The following GRAMD2B variants were observed in gnomAD, a reference collection of about 807,000 sequenced individuals.
GRAMD2B encodes GRAM domain-containing protein 2B.
In GRAMD2B, 41 loss-of-function variants were observed where a neutral mutation model predicts 59.2. The observed-to-expected ratio is 0.69, with a 90% confidence interval of 0.54 to 0.90. The LOEUF (loss-of-function observed/expected upper bound fraction) is 0.90, where lower values mean the gene tolerates loss of function less well. GRAMD2B is among the 40% of genes least tolerant of loss of function. The pLI, the probability that GRAMD2B is intolerant of heterozygous loss-of-function variation, is 0.00. For synonymous variants in GRAMD2B, 161 were observed against 182.7 expected (o/e 0.88, Z 0.96); for missense variants, 424 against 500.5 (o/e 0.85, Z 1.46).
intron 1 of GRAMD2B, among the ~76,000 whole-genome samples, chr5:126,446,234 T>A (rs1047934711): frequency 6.6e-6 from 1 of 152,224 alleles, no homozygotes; most frequent in Admixed American, 6.5e-5. Flanking sequence ...ACTGCAATAG[T>A]TACAGATGAA....
At chr5:126,420,922 A>T (rs1279732050), upstream of GRAMD2B, among the ~76,000 whole-genome samples, 1 of 152,234 alleles carries the variant, frequency 6.6e-6, no homozygotes, top group Non-Finnish European at 1.5e-5. Flanking sequence ...TGAAATTTGG[A>T]TATATGCTAT....
chr5:126,471,411 A>G (rs1052627505), intron 3 of GRAMD2B, among the ~76,000 whole-genome samples: 1 of 152,208 alleles, frequency 6.6e-6, no homozygotes, highest in African/African-American at 2.4e-5. Context: ...GATGCAGGTG[A>G]AAGTGTTTTA....
At chr5:126,439,203 G>A (rs1762891379) in intron 1 of GRAMD2B, among the ~76,000 whole-genome samples, 1 of 152,084 alleles carries the variant, frequency 6.6e-6, no homozygotes, top group African/African-American at 2.4e-5. Context: ...GAACACTAAA[G>A]ACAGTGGATC....
At chr5:126,367,941 C>T (rs2149687640), upstream of GRAMD2B, among the ~76,000 whole-genome samples, 1 of 152,118 alleles carries the variant, frequency 6.6e-6, no homozygotes, top group East Asian at 1.9e-4. Context: ...TTAGTAGAGA[C>T]GGGGTTTCAC....
chr5:126,418,367 T>C (rs1759434265), intron 1 of GRAMD2B, among the ~76,000 whole-genome samples: 1 of 151,936 alleles, frequency 6.6e-6, no homozygotes, highest in Admixed American at 6.6e-5. Context: ...ACTGGAAGAG[T>C]TTTTTTTACT....
At position 126,480,534 on chromosome 5, in the gene GRAMD2B, A is replaced by G. The variant is rs1258788487; in HGVS notation, c.654+7A>G. 6.2e-7 allele frequency: 1 copy of G among 1,610,654 alleles called. No individual in the cohort carries two copies. The highest frequency in any genetic ancestry group is 8.5e-7 in the Non-Finnish European group (1 of 1,176,814). Reference sequence around the variant, plus strand: ...TGTGTGTGGACACTTAGAAGTGAGTATGATGTCCCTGAGCCTCAATTACTG... The same window carrying G: ...TGTGTGTGGACACTTAGAAGTGAGTGTGATGTCCCTGAGCCTCAATTACTG... On this transcript the variant is annotated splice_region_variant and intron_variant, in intron 7 of 13. Transcript: ENST00000285689.
chr5:126,494,076 G>A lies in GRAMD2B; in HGVS notation c.*1120G>A, dbSNP rs994807155. 3 of 152,548 alleles carry A rather than the reference G, an allele frequency of 2.0e-5. No individual in the cohort carries two copies. The highest frequency in any genetic ancestry group is 2.4e-5 in the African/African-American group (1 of 41,424). The allele number at this position is 152,548 out of a possible 1,614,324, so 9.4% of individuals were successfully genotyped here. A position where few individuals can be genotyped will look rare whatever the true frequency, so the allele number is the denominator to read the frequency against. On this transcript the variant is annotated 3_prime_UTR_variant, in exon 14 of 14. Coordinates refer to ENST00000285689, the MANE Select transcript of GRAMD2B (RefSeq NM_023927.4). ...AGCTAATAAGCGAATTGGTTACATC[G>A]TTTGTATCTGTTGGCCTAGTGGACA...
intron 13 of GRAMD2B, among the ~76,000 whole-genome samples, chr5:126,491,740 GT>G (rs1358586622): frequency 6.7e-6 from 1 of 149,470 alleles, no homozygotes; most frequent in East Asian, 2.0e-4. Flanking sequence ...TTCCTTCTTT[GT>G]TTTTTTTCCC....
At chr5:126,428,831 A>G (rs548623036) in intron 1 of GRAMD2B, among the ~76,000 whole-genome samples, 33 of 152,348 alleles carry the variant, frequency 2.2e-4, no homozygotes, top group African/African-American at 7.5e-4. Flanking sequence ...CAAAACCACA[A>G]TGAAATTCCA....
intron 1 of GRAMD2B, among the ~76,000 whole-genome samples, chr5:126,405,635 A>G (rs1201863710): frequency 6.6e-6 from 1 of 151,698 alleles, no homozygotes; most frequent in Non-Finnish European, 1.5e-5. Context: ...GCTACACATT[A>G]TTAGAATACC....
chr5:126,388,147 T>C (rs978527490), intron 1 of GRAMD2B, among the ~76,000 whole-genome samples: 1 of 151,912 alleles, frequency 6.6e-6, no homozygotes, highest in Non-Finnish European at 1.5e-5. Flanking sequence ...CCAAGGCGGG[T>C]GATTCACTTG....
Position 126,409,736 on chromosome 5 carries a change from T to C in GRAMD2B, c.125+38169T>C, listed in dbSNP as rs545239162. Among the ~76,000 whole-genome samples the C allele has an allele frequency of 2.9e-3, 442 of 152,308 alleles. 1 individual carries two copies. The highest frequency in any genetic ancestry group is 0.01 in the Middle Eastern group (3 of 294). On this transcript the variant is annotated intron_variant, in intron 1 of 8. Coordinates refer to the GRAMD2B transcript ENST00000506445. ...TTTTGGCTTTTGTTGCCATTGCTTTTGGTGTTTTAGACATGAAGTCCTTGC... is the reference window on the plus strand; with the variant it reads ...TTTTGGCTTTTGTTGCCATTGCTTTCGGTGTTTTAGACATGAAGTCCTTGC...
chr5:126,484,972 T>C (rs149245111), intron 10 of GRAMD2B, among the ~76,000 whole-genome samples: 135 of 152,332 alleles, frequency 8.9e-4, no homozygotes, highest in Non-Finnish European at 1.2e-3. Context: ...AATTCACTTA[T>C]TCTTTTAGCA....
intron 1 of GRAMD2B, among the ~76,000 whole-genome samples, chr5:126,456,697 T>C (rs1357778861): frequency 6.6e-6 from 1 of 152,238 alleles, no homozygotes; most frequent in African/African-American, 2.4e-5. Flanking sequence ...AGGCGTATCT[T>C]TCTAGTTCCT....
chr5:126,406,391 C>A (rs1407853497), intron 1 of GRAMD2B, among the ~76,000 whole-genome samples: 1 of 151,524 alleles, frequency 6.6e-6, no homozygotes, highest in South Asian at 2.1e-4. Flanking sequence ...TGAGATTTAA[C>A]TTATATATAT....
At chr5:126,465,018 A>AG (rs1320248135) in intron 1 of GRAMD2B, 9 of 993,834 alleles carry the variant, frequency 9.1e-6, no homozygotes, top group Non-Finnish European at 1.1e-5. Context: ...TGCAAACAAA[A>AG]GGGGTGGGGG....
chr5:126,377,150 C>G (rs1410818866), intron 1 of GRAMD2B, among the ~76,000 whole-genome samples: 2 of 147,876 alleles, frequency 1.4e-5, no homozygotes, highest in Admixed American at 1.4e-4. Context: ...GTTGAACATG[C>G]TGGAAGTCCT....
intron 6 of GRAMD2B, 26 bp downstream of exon 6, chr5:126,477,813 T>G: frequency 7.1e-7 from 1 of 1,417,196 alleles, no homozygotes; most frequent in South Asian, 1.1e-5. Flanking sequence ...AGCGAGGGCA[T>G]CTTTGCTTTG....
rs139521992 is a variant in GRAMD2B at position 126,394,465 on chromosome 5, T to C, written c.125+22898T>C. On this transcript the variant is annotated intron_variant, in intron 1 of 8. Transcript: ENST00000506445. ...GTGGGAAGAGATGACAGTCCAATCA[T>C]TGTAAAAAAGAACTCTGAGGCCTGG... is the stretch of plus-strand genomic sequence containing the variant. Among the ~76,000 whole-genome samples, 659 of 152,268 alleles carry C rather than the reference T, an allele frequency of 4.3e-3. 8 individuals are homozygous for C. The highest frequency in any genetic ancestry group is 0.015 in the African/African-American group (626 of 41,552).
Sources: allele counts gnomAD v4.1 joint callset (sites outside exome capture counted in the v4.1 genomes callset), GRCh38; gene constraint gnomAD v4.1.1; transcripts MANE v1.5; gene names NCBI Gene and HGNC (gene_info 2026-07-23, HGNC 2026-07-21).